The following PCDHGA12 variants were observed in gnomAD, a reference collection of about 807,000 sequenced individuals.
The protein encoded by PCDHGA12 is protocadherin gamma-A12.
A neutral mutation model predicts 61.1 loss-of-function variants in PCDHGA12; 43 were observed. The observed-to-expected ratio is 0.70, with a 90% CI of 0.55 to 0.91. PCDHGA12 has a LOEUF of 0.91. Ranked by LOEUF, PCDHGA12 falls within the 40% of genes least tolerant of loss-of-function variation. The pLI is 0.00. For missense variants in PCDHGA12, 1,236 were observed against 1,227.7 expected (o/e 1.01, Z -0.10); for synonymous variants, 520 against 542.9 (o/e 0.96, Z 0.59).
At chr5:141,503,229 T>C (rs986982708) in intron 2 of PCDHGA12, among the ~76,000 whole-genome samples, 1 of 152,080 alleles carries the variant, frequency 6.6e-6, no homozygotes, top group African/African-American at 2.4e-5. Context: ...ACCGTAAAGA[T>C]GGACAGTTTC....
intron 1 of PCDHGA12, chr5:141,479,355 A>G (rs2099493778): frequency 6.6e-6 from 1 of 152,506 alleles, no homozygotes; most frequent in Non-Finnish European, 1.5e-5. Flanking sequence ...CTTGCTGCTC[A>G]GTGCCTGAGG....
At chr5:141,443,631 T>C (rs541727440) in intron 1 of PCDHGA12, among the ~76,000 whole-genome samples, 1 of 152,332 alleles carries the variant, frequency 6.6e-6, no homozygotes, top group South Asian at 2.1e-4. Context: ...ATTGTAAAAA[T>C]TGATCCAGAT....
chr5:141,506,228 A>T (rs538354130), intron 3 of PCDHGA12, among the ~76,000 whole-genome samples: 1 of 152,266 alleles, frequency 6.6e-6, no homozygotes, highest in East Asian at 1.9e-4. Context: ...AGGCAGGAGG[A>T]TCATGAGGTC....
intron 1 of PCDHGA12, among the ~76,000 whole-genome samples, chr5:141,447,279 A>G (rs1394174534): frequency 1.3e-5 from 2 of 152,156 alleles, no homozygotes; most frequent in African/African-American, 4.8e-5. Flanking sequence ...AGCTGGGACT[A>G]CAGGCACATG....
intron 1 of PCDHGA12, among the ~76,000 whole-genome samples, chr5:141,474,747 A>AGACAAATAT (rs1447050692): frequency 6.6e-6 from 1 of 152,264 alleles, no homozygotes; most frequent in African/African-American, 2.4e-5. Context: ...GTGATGTCCA[A>AGACAAATAT]GACAAATATA....
Position 141,476,263 on chromosome 5 carries a change from C to T in PCDHGA12, c.2425-18544C>T. 1 of 1,613,940 alleles carries T rather than the reference C, an allele frequency of 6.2e-7. No individual in the cohort carries two copies. The highest frequency in any genetic ancestry group is 8.5e-7 in the Non-Finnish European group (1 of 1,180,010). Reference sequence around the variant, plus strand: ...GAGAGAAGGGTTTCGCTGTGGGCAACGTGGTCGCGAACCTTGGTTTGGATC... The same window carrying T: ...GAGAGAAGGGTTTCGCTGTGGGCAATGTGGTCGCGAACCTTGGTTTGGATC... On this transcript the variant is annotated intron_variant, in intron 1 of 3. Transcript: ENST00000252085. The surrounding 1 kb of genome is among the most constrained non-coding windows in gnomAD (Gnocchi z 7.6).
In PCDHGA12 at chr5:141,493,307, AAG is replaced by A. The variant is rs2099747490; in HGVS notation, c.2425-1494_2425-1493del. Among the ~76,000 whole-genome samples, 1 of 152,234 alleles carries A rather than the reference AAG, an allele frequency of 6.6e-6. No homozygotes were observed. Among genetic ancestry groups the A allele is most frequent in the South Asian group, 2.1e-4 (1 of 4,832 alleles). ...ACTTGCTCAAGTTCACAGAGCAAGT[AAG>A]AGAGATTCTAACCCCTGTCTAACTC... On this transcript the variant is annotated intron_variant, in intron 1 of 3. Transcript: ENST00000252085. This position sits in a 1 kb window ranked among gnomAD's most constrained non-coding sequence, Gnocchi z 4.3.
In PCDHGA12 at chr5:141,461,830, C is replaced by CT. The variant is rs1030113508; in HGVS notation, c.2424+28657dup. On this transcript the variant is annotated intron_variant, in intron 1 of 3. Transcript: ENST00000252085. Reference sequence around the variant, plus strand: ...CACCACACCCAGCTAATTTTTTTTTCTTTTTTTTTTGAGACAGAGTTTTGC... The same window carrying CT: ...CACCACACCCAGCTAATTTTTTTTTCTTTTTTTTTTTGAGACAGAGTTTTGC... Among the ~76,000 whole-genome samples, 192 of 145,246 alleles carry CT rather than the reference C, an allele frequency of 1.3e-3. 1 individual carries two copies. In the Middle Eastern group the frequency reaches 0.022, roughly 16 times the overall value.
rs1026815375 is a variant in PCDHGA12, at chr5:141,481,045, G to A, written c.2425-13762G>A. 4.6e-5 allele frequency among the ~76,000 whole-genome samples: 7 copies of A among 152,024 alleles called. No individual in the cohort carries two copies. In the South Asian group the frequency reaches 8.3e-4, roughly 18 times the overall value. ...TGCACTCCAGCCTGGGCGACAGAGCGAGACTCCACCTCAAAAACAAAAAGA... is the reference window on the plus strand; with the variant it reads ...TGCACTCCAGCCTGGGCGACAGAGCAAGACTCCACCTCAAAAACAAAAAGA... On this transcript the variant is annotated intron_variant, in intron 1 of 3. Coordinates refer to ENST00000252085, the MANE Select transcript of PCDHGA12 (RefSeq NM_003735.3).
chr5:141,485,431 C>G lies in PCDHGA12; in HGVS notation c.2425-9376C>G, dbSNP rs1594481071. ...ATTTGGACAGCGGAGCCCTGCTCAT[C>G]AAGAACCCAATCGACCGAGAGGCAC... On this transcript the variant is annotated intron_variant, in intron 1 of 3. Coordinates refer to ENST00000252085, the MANE Select transcript of PCDHGA12 (RefSeq NM_003735.3). The surrounding 1 kb of genome is among the most constrained non-coding windows in gnomAD (Gnocchi z 5.7). 8.7e-6 allele frequency: 14 copies of G among 1,614,198 alleles called. No homozygotes were observed. Among genetic ancestry groups the G allele is most frequent in the Non-Finnish European group, 1.1e-5 (13 of 1,180,038 alleles).
chr5:141,460,026 C>T (rs565259315), intron 1 of PCDHGA12, among the ~76,000 whole-genome samples: 36 of 152,090 alleles, frequency 2.4e-4, no homozygotes, highest in Non-Finnish European at 3.2e-4. Flanking sequence ...TGCAGTGAGC[C>T]GAGACTGCAC....
At position 141,476,591 on chromosome 5, in the gene PCDHGA12, G is replaced by C. The variant is rs200254399; in HGVS notation, c.2425-18216G>C. The C allele has an allele frequency of 6.2e-7, 1 of 1,614,230 alleles. No homozygotes were observed. Among genetic ancestry groups the C allele is most frequent in the East Asian group, 2.2e-5 (1 of 44,870 alleles). On this transcript the variant is annotated intron_variant, in intron 1 of 3. Coordinates refer to ENST00000252085, the MANE Select transcript of PCDHGA12 (RefSeq NM_003735.3). This position sits in a 1 kb window ranked among gnomAD's most constrained non-coding sequence, Gnocchi z 7.6. ...GGGGACGCGCTTTCCGCTCGAGAGCGCGCACGATCCCGATGTGGGAAGCAA... is the reference window on the plus strand; with the variant it reads ...GGGGACGCGCTTTCCGCTCGAGAGCCCGCACGATCCCGATGTGGGAAGCAA...
Position 141,491,930 on chromosome 5 carries a change from G to A in PCDHGA12, c.2425-2877G>A, listed in dbSNP as rs2099735399. On this transcript the variant is annotated intron_variant, in intron 1 of 3. Transcript: ENST00000252085. The surrounding 1 kb of genome is among the most constrained non-coding windows in gnomAD (Gnocchi z 6.9). ...GTGGCGACTGTGGGCGAGGGGAGGT[G>A]GGACCGACCCCCACCCCTACACTCA... 1.6e-6 allele frequency: 2 copies of A among 1,276,580 alleles called. No homozygotes were observed. The highest frequency in any genetic ancestry group is 2.1e-6 in the Non-Finnish European group (2 of 943,112). 79.1% of individuals were successfully genotyped at this position (1,276,580 alleles called of 1,614,324 possible).
In PCDHGA12 at chr5:141,432,856, G is replaced by C; in HGVS notation, c.2097G>C (p.Ala699=). 1 of 1,614,142 alleles carries C rather than the reference G, an allele frequency of 6.2e-7. No homozygotes were observed. The highest frequency in any genetic ancestry group is 1.7e-5 in the Admixed American group (1 of 60,030). The change falls in exon 1 of 4, where the codon GCG becomes GCC. Residue 699 remains alanine, a synonymous_variant. Coordinates refer to ENST00000252085, the MANE Select transcript of PCDHGA12 (RefSeq NM_003735.3). This position sits in a 1 kb window ranked among gnomAD's most constrained non-coding sequence, Gnocchi z 6.0. Reference sequence around the variant, plus strand: ...TGTACCTGGTGGTAGCGGTGGCCGCGGTCTCCTGCGTCTTCCTGGCCTTCG... The same window carrying C: ...TGTACCTGGTGGTAGCGGTGGCCGCCGTCTCCTGCGTCTTCCTGGCCTTCG... ...LTLYLVVAVA[A]VSCVFLAFVI...
chr5:141,483,350 G>C (rs2099580423), intron 1 of PCDHGA12, among the ~76,000 whole-genome samples: 4 of 152,172 alleles, frequency 2.6e-5, no homozygotes, highest in Admixed American at 1.3e-4. Flanking sequence ...CTTTGCAATA[G>C]TTTGAAAGCT....
intron 1 of PCDHGA12, among the ~76,000 whole-genome samples, chr5:141,463,314 A>G (rs1357327211): frequency 2.0e-5 from 3 of 151,098 alleles, no homozygotes; most frequent in Non-Finnish European, 2.9e-5. Context: ...TCTAATATCT[A>G]TTCCTCAACT....
rs569220332 is a variant in PCDHGA12, at chr5:141,475,688, A to G, written c.2425-19119A>G. 2.0e-5 allele frequency among the ~76,000 whole-genome samples: 3 copies of G among 152,330 alleles called. No homozygotes were observed. In the South Asian group the frequency reaches 6.2e-4, roughly 32 times the overall value. On this transcript the variant is annotated intron_variant, in intron 1 of 3. Coordinates refer to ENST00000252085, the MANE Select transcript of PCDHGA12 (RefSeq NM_003735.3). ...TTTAATGAGTCTTGATTTGGATTGG[A>G]GACTTGCAGAACGGCTAGCCTCACA...
chr5:141,465,778 A>G (rs544366126), intron 1 of PCDHGA12, among the ~76,000 whole-genome samples: 1 of 148,538 alleles, frequency 6.7e-6, no homozygotes, highest in East Asian at 1.9e-4. Context: ...CTCTTGTTAC[A>G]GTTTTTTTTT....
Position 141,431,534 on chromosome 5 carries a change from A to G in PCDHGA12, c.775A>G (p.Thr259Ala), listed in dbSNP as rs1331176313. Reference sequence around the variant, plus strand: ...CGTTCCGGAGAATCTGGCCTTGGGCACGCAGCTGCTTGTAGTCAACGCTAC... The same window carrying G: ...CGTTCCGGAGAATCTGGCCTTGGGCGCGCAGCTGCTTGTAGTCAACGCTAC... Reference protein sequence around the residue: ...ASVPENLALGTQLLVVNATDP... With the variant: ...ASVPENLALGAQLLVVNATDP... The change falls in exon 1 of 4, where the codon ACG becomes GCG. Residue 259 changes from threonine (T) to alanine (A), a missense_variant. Physicochemically the swap from Thr to Ala is moderately conservative, Grantham distance 58. Coordinates refer to ENST00000252085, the MANE Select transcript of PCDHGA12 (RefSeq NM_003735.3). This position sits in a 1 kb window ranked among gnomAD's most constrained non-coding sequence, Gnocchi z 4.8. The G allele has an allele frequency of 1.2e-6, 2 of 1,614,110 alleles. No individual in the cohort carries two copies. The highest frequency in any genetic ancestry group is 8.5e-7 in the Non-Finnish European group (1 of 1,180,042).
Sources: gnomAD v4.1 joint callset for allele counts (sites outside exome capture counted in the v4.1 genomes callset) on GRCh38, gnomAD v4.1.1 for gene constraint, Gnocchi (gnomAD v3.1) non-coding constraint, MANE v1.5 for transcripts, NCBI Gene and HGNC (gene_info 2026-07-23, HGNC 2026-07-21) for gene names.